The following PPP2R1A variants were observed in gnomAD, a reference collection of about 807,000 sequenced individuals.
The protein encoded by PPP2R1A is serine/threonine-protein phosphatase 2A 65 kDa regulatory subunit A alpha isoform.
A neutral mutation model predicts 67.1 loss-of-function variants in PPP2R1A; 15 were observed. That is an observed-to-expected ratio of 0.22 (90% CI 0.15 to 0.34). The LOEUF (loss-of-function observed/expected upper bound fraction) is 0.34, where lower values mean the gene tolerates loss of function less well. PPP2R1A is among the 10% of genes least tolerant of loss of function. The probability of loss-of-function intolerance (pLI) is 1.00; values close to 1 mark genes in which losing one functional copy is unlikely to be tolerated. For missense variants in PPP2R1A, 369 were observed against 775.0 expected, an observed-to-expected ratio of 0.48 and a Z score of 6.22; for synonymous variants, 337 against 325.0, an observed-to-expected ratio of 1.04 and a Z score of -0.40.
rs111366256 is a variant in PPP2R1A, at chr19:52,208,459, G to A, written c.270+2396G>A. Among the ~76,000 whole-genome samples the A allele has an allele frequency of 7.0e-3, 1,067 of 152,132 alleles. 14 individuals carry two copies. Among genetic ancestry groups the A allele is most frequent in the African/African-American group, 0.024 (1,012 of 41,506 alleles). The stretch of plus-strand genomic sequence containing the variant: ...GCTAGGATTACAGGTGTGAGCCACC[G>A]TGCCTGGGTGTGAGGGTTGTTTCTG... On this transcript the variant is annotated intron_variant, in intron 3 of 14. Coordinates refer to ENST00000322088, the MANE Select transcript of PPP2R1A (RefSeq NM_014225.6).
At chr19:52,201,756 A>T in intron 1 of PPP2R1A, 188 bp from the exon 2 acceptor site, 2 of 574,174 alleles carry the variant, frequency 3.5e-6, no homozygotes, top group Non-Finnish European at 6.3e-6. Context: ...TGCCACTACT[A>T]TTGTTGTTAT....
At chr19:52,202,891 C>T (rs1403690182) in intron 2 of PPP2R1A, among the ~76,000 whole-genome samples, 7 of 152,178 alleles carry the variant, frequency 4.6e-5, no homozygotes, top group South Asian at 2.1e-4. Context: ...GCCGCCTAAG[C>T]GATAGCTGCC....
rs997342141 is a variant in PPP2R1A, at chr19:52,211,644, G to A, written c.503+152G>A. ...TTACCACCTGATAGGCCACATCCTC[G>A]AGAGTTGGTCTCTGGACACGGCCAC... On this transcript the variant is annotated intron_variant, in intron 4 of 14. Coordinates refer to ENST00000322088, the MANE Select transcript of PPP2R1A (RefSeq NM_014225.6). This position sits in a 1 kb window ranked among gnomAD's most constrained non-coding sequence, Gnocchi z 5.3. 7 of 764,798 alleles carry A rather than the reference G, an allele frequency of 9.2e-6. No individual in the cohort carries two copies. Among genetic ancestry groups the A allele is most frequent in the East Asian group, 8.1e-5 (3 of 36,930 alleles). 47.4% of individuals were successfully genotyped at this position (764,798 alleles called of 1,614,324 possible).
In PPP2R1A at chr19:52,211,562, C is replaced by G. The variant is rs1404638748; in HGVS notation, c.503+70C>G. ...CCAACCTTCTCTAAAGCCTCAGACT[C>G]CTTTTGGTCTAGCTGGGGCCCAAAT... On this transcript the variant is annotated intron_variant, in intron 4 of 14. Coordinates refer to ENST00000322088, the MANE Select transcript of PPP2R1A (RefSeq NM_014225.6). This position sits in a 1 kb window ranked among gnomAD's most constrained non-coding sequence, Gnocchi z 5.3. 3 of 1,495,124 alleles carry G rather than the reference C, an allele frequency of 2.0e-6. No individual in the cohort carries two copies. In the African/African-American group the frequency reaches 4.2e-5, roughly 21 times the overall value. 92.6% of individuals were successfully genotyped at this position (1,495,124 alleles called of 1,614,324 possible).
At chr19:52,207,655 C>G (rs368999002) in intron 3 of PPP2R1A, among the ~76,000 whole-genome samples, 3 of 152,348 alleles carry the variant, frequency 2.0e-5, no homozygotes, top group East Asian at 3.9e-4. Context: ...CTTGTGCTTG[C>G]TCGTTGCCTG....
intron 1 of PPP2R1A, among the ~76,000 whole-genome samples, chr19:52,192,337 TTGCTC>T (rs1250490610): frequency 6.6e-6 from 1 of 151,766 alleles, no homozygotes; most frequent in Non-Finnish European, 1.5e-5. Context: ...CGGAGTCTTG[TTGCTC>T]TGTTTCCCAG....
chr19:52,190,893 G>A (rs1041717985), intron 1 of PPP2R1A, among the ~76,000 whole-genome samples: 5 of 152,218 alleles, frequency 3.3e-5, no homozygotes, highest in East Asian at 1.9e-4. Flanking sequence ...TCTCTGTGTC[G>A]CCCAGGCTGG....
intron 2 of PPP2R1A, among the ~76,000 whole-genome samples, chr19:52,204,664 C>T (rs1220287039): frequency 6.6e-6 from 1 of 152,116 alleles, no homozygotes; most frequent in East Asian, 1.9e-4. Flanking sequence ...ACAAAGAAAA[C>T]AGGGAGGGTG....
rs745835001 is a variant in PPP2R1A at position 52,212,728 on chromosome 19, G to A, written c.546G>A (p.Arg182=). The A allele has an allele frequency of 5.6e-6, 9 of 1,614,016 alleles. No individual in the cohort carries two copies. In the East Asian group the frequency reaches 1.8e-4, roughly 32 times the overall value. Residue 182 remains arginine (R), a synonymous_variant, in exon 5 of 15, where the codon CGG becomes CGA. Transcript: ENST00000322088. The surrounding 1 kb of genome is among the most constrained non-coding windows in gnomAD (Gnocchi z 4.1). ...GCTCAGATGACACCCCCATGGTGCGGCGGGCCGCAGCCTCCAAGCTGGGGG... is the reference window on the plus strand; with the variant it reads ...GCTCAGATGACACCCCCATGGTGCGACGGGCCGCAGCCTCCAAGCTGGGGG... ...NLCSDDTPMV[R]RAAASKLGEF... is the part of the protein sequence containing the mutation.
At position 52,211,241 on chromosome 19, in the gene PPP2R1A, CTT is replaced by C. The variant is rs752151839; in HGVS notation, c.271-17_271-16del. ...TGGTGGAGAGGGAGCTGTCCAGTGA[CTT>C]TGTGTTCTCACCACAGCCACCGCTG... On this transcript the variant is annotated splice_polypyrimidine_tract_variant and intron_variant, in intron 3 of 14. Transcript: ENST00000322088. This position sits in a 1 kb window ranked among gnomAD's most constrained non-coding sequence, Gnocchi z 5.3. 6.2e-7 allele frequency: 1 copy of C among 1,609,024 alleles called. No homozygotes were observed. The highest frequency in any genetic ancestry group is 1.1e-5 in the South Asian group (1 of 90,690).
intron 1 of PPP2R1A, among the ~76,000 whole-genome samples, chr19:52,199,719 GA>G (rs1314160806): frequency 6.6e-6 from 1 of 152,208 alleles, no homozygotes; most frequent in Non-Finnish European, 1.5e-5. Flanking sequence ...GCAATGTATA[GA>G]ATAAGTTTTG....
intron 14 of PPP2R1A, 62 bp from the exon 15 acceptor site, chr19:52,225,903 C>T: frequency 6.2e-7 from 1 of 1,613,974 alleles, no homozygotes; most frequent in South Asian, 1.1e-5. Flanking sequence ...GGGGAGGTAC[C>T]TTGGCATTGT....
chr19:52,210,562 G>A (rs776869176), intron 3 of PPP2R1A, among the ~76,000 whole-genome samples: 11 of 149,026 alleles, frequency 7.4e-5, no homozygotes, highest in Admixed American at 1.4e-4. Context: ...GTGCGATCTC[G>A]GCTTACTGCA....
chr19:52,200,013 G>T (rs552140195), intron 1 of PPP2R1A, among the ~76,000 whole-genome samples: 4 of 152,170 alleles, frequency 2.6e-5, no homozygotes, highest in African/African-American at 9.7e-5. Context: ...GTCTGTGATC[G>T]CAGAGATATT....
At position 52,227,160 on chromosome 19, in the gene PPP2R1A, C is replaced by T. The variant is rs1288285519; in HGVS notation, c.*1179C>T. The T allele has an allele frequency of 6.6e-6, 1 of 152,098 alleles. No individual in the cohort carries two copies. Among genetic ancestry groups the T allele is most frequent in the Non-Finnish European group, 1.5e-5 (1 of 68,016 alleles). 9.4% of individuals were successfully genotyped at this position (152,098 alleles called of 1,614,324 possible). ...TTGAAATTAGGTGTGGTATTGTGAC[C>T]AAATTCTAGCCAAAAAGATGTTGAA... On this transcript the variant is annotated 3_prime_UTR_variant, in exon 15 of 15. Coordinates refer to ENST00000322088, the MANE Select transcript of PPP2R1A (RefSeq NM_014225.6).
intron 2 of PPP2R1A, among the ~76,000 whole-genome samples, chr19:52,203,472 G>A (rs954129806): frequency 6.6e-6 from 1 of 152,180 alleles, no homozygotes; most frequent in African/African-American, 2.4e-5. Flanking sequence ...AGGAAAACCT[G>A]AGTAGGTCAC....
At chr19:52,203,579 C>T (rs1458256821) in intron 2 of PPP2R1A, among the ~76,000 whole-genome samples, 2 of 151,998 alleles carry the variant, frequency 1.3e-5, no homozygotes, top group Non-Finnish European at 2.9e-5. Flanking sequence ...TGTGACTTTC[C>T]TCTACTTTCA....
At chr19:52,201,766 T>C in intron 1 of PPP2R1A, 178 bp from the exon 2 acceptor site, 1 of 586,314 alleles carries the variant, frequency 1.7e-6, no homozygotes, top group Non-Finnish European at 3.1e-6. Flanking sequence ...ATTGTTGTTA[T>C]TTAATGATTC....
intron 11 of PPP2R1A, 120 bp downstream of exon 11, chr19:52,220,369 T>A: frequency 6.6e-6 from 7 of 1,065,566 alleles, no homozygotes; most frequent in Non-Finnish European, 1.0e-5. Context: ...CGCTGGATGC[T>A]CGTATGGACC....
Sources: gnomAD v4.1 joint callset for allele counts (sites outside exome capture counted in the v4.1 genomes callset) on GRCh38, gnomAD v4.1.1 for gene constraint, Gnocchi (gnomAD v3.1) non-coding constraint, MANE v1.5 for transcripts, NCBI Gene and HGNC (gene_info 2026-07-23, HGNC 2026-07-21) for gene names.